The following ERICH6B variants were observed in gnomAD, a reference collection of about 807,000 sequenced individuals.
ERICH6B encodes glutamate rich 6B, also known as glutamate-rich protein 6B.
Under a neutral mutation model 80.0 loss-of-function variants are expected in ERICH6B, and 69 were observed. The observed-to-expected ratio is 0.86, with a 90% confidence interval of 0.71 to 1.05. The LOEUF (loss-of-function observed/expected upper bound fraction) is 1.05, where lower values mean the gene tolerates loss of function less well. ERICH6B is among the 50% of genes least tolerant of loss of function. The pLI is 0.00. For missense variants in ERICH6B, 754 were observed against 796.1 expected (o/e 0.95, Z 0.64); for synonymous variants, 283 against 291.9 (o/e 0.97, Z 0.31).
intron 8 of ERICH6B, among the ~76,000 whole-genome samples, chr13:45,573,092 T>C (rs1875243115): frequency 6.6e-6 from 1 of 152,064 alleles, no homozygotes; most frequent in African/African-American, 2.4e-5. Context: ...TGCTAGAAAT[T>C]TATTCTTTAC....
At chr13:45,595,493 G>A (rs1044637596) in intron 3 of ERICH6B, among the ~76,000 whole-genome samples, 2 of 151,850 alleles carry the variant, frequency 1.3e-5, no homozygotes, top group African/African-American at 4.8e-5. Context: ...AAAGAGGTGT[G>A]TGTGTATGTG....
At chr13:45,571,941 C>A (rs1039197347) in intron 8 of ERICH6B, among the ~76,000 whole-genome samples, 2 of 152,180 alleles carry the variant, frequency 1.3e-5, no homozygotes, top group African/African-American at 4.8e-5. Flanking sequence ...ACCTTGATTT[C>A]AGATTTTGAG....
chr13:45,596,891 C>A lies in ERICH6B; in HGVS notation c.115G>T (p.Asp39Tyr), dbSNP rs1345242393. Residue 39 changes from aspartate (D) to tyrosine (Y), a missense_variant, in exon 3 of 15, where the codon GAT (aspartate) becomes TAT (tyrosine). Coordinates refer to ENST00000298738, the MANE Select transcript of ERICH6B (RefSeq NM_182542.3). ...SEKEDTEVELDEESLQDESPF... is the reference protein window; with the variant it reads ...SEKEDTEVELYEESLQDESPF... The stretch of plus-strand genomic sequence containing the variant: ...GATTCATCCTGTAGACTTTCCTCAT[C>A]TAGTTCTACTTCAGTATCCTCTTTC... 1 of 1,551,842 alleles carries A rather than the reference C, an allele frequency of 6.4e-7. No individual in the cohort carries two copies. Among genetic ancestry groups the A allele is most frequent in the Non-Finnish European group, 8.7e-7 (1 of 1,147,034 alleles).
At chr13:45,586,902 A>G (rs183018634) in intron 5 of ERICH6B, among the ~76,000 whole-genome samples, 161 bp downstream of exon 5, 1 of 152,198 alleles carries the variant, frequency 6.6e-6, no homozygotes, top group Admixed American at 6.5e-5. Context: ...AGGAGTTAAC[A>G]TCTTACCCAA....
intron 5 of ERICH6B, among the ~76,000 whole-genome samples, chr13:45,584,042 C>T (rs2985946): frequency 0.43 from 65,374 of 151,880 alleles, 15,168 homozygotes; most frequent in Admixed American, 0.51. Context: ...GTAGGATATA[C>T]CCTTTTATCA....
intron 3 of ERICH6B, 33 bp downstream of exon 3, chr13:45,596,336 C>T: frequency 6.5e-7 from 1 of 1,528,896 alleles, no homozygotes; most frequent in Non-Finnish European, 8.8e-7. Context: ...TACTTTTCCT[C>T]CCATAGATGC....
rs1373638488 is a variant in ERICH6B, at chr13:45,541,582, T to C, written c.1971A>G (p.Lys657=). The stretch of plus-strand genomic sequence containing the variant: ...TCGCGTAATTCAGGAGCCTATTCAT[T>C]TTCCCCAGAAGGACCCGGATCTTCT... ...TAQKIRVLLG[K]MNRLLNYATT... The change falls in exon 15 of 15, where the codon AAA becomes AAG. Residue 657 remains lysine (K), a synonymous_variant. Transcript: ENST00000298738. 3.2e-6 allele frequency: 5 copies of C among 1,551,920 alleles called. No individual in the cohort carries two copies. Among genetic ancestry groups the C allele is most frequent in the Non-Finnish European group, 3.5e-6 (4 of 1,147,044 alleles).
chr13:45,603,798 A>G (rs1471265933), intron 2 of ERICH6B, among the ~76,000 whole-genome samples: 1 of 152,134 alleles, frequency 6.6e-6, no homozygotes, highest in Non-Finnish European at 1.5e-5. Context: ...CATCTAATGT[A>G]CCAAGTACCT....
intron 11 of ERICH6B, among the ~76,000 whole-genome samples, chr13:45,559,071 C>A (rs2137972801): frequency 6.6e-6 from 1 of 152,206 alleles, no homozygotes; most frequent in Non-Finnish European, 1.5e-5. Flanking sequence ...ATTACCATTT[C>A]AATCTCACTG....
At position 45,563,620 on chromosome 13, in the gene ERICH6B, G is replaced by A. The variant is rs1025105429; in HGVS notation, c.1249+107C>T. ...ATCAGCCCTGTAGGCACTGAAGTGA[G>A]TGAATGAGCCCTTCCACCTTCTTTA... is the stretch of plus-strand genomic sequence containing the variant. On this transcript the variant is annotated intron_variant, in intron 10 of 14. Coordinates refer to ENST00000298738, the MANE Select transcript of ERICH6B (RefSeq NM_182542.3). 4 of 1,042,880 alleles carry A rather than the reference G, an allele frequency of 3.8e-6. No individual in the cohort carries two copies. In the South Asian group the frequency reaches 5.5e-5, roughly 14 times the overall value. 64.6% of individuals were successfully genotyped at this position (1,042,880 alleles called of 1,614,324 possible).
At chr13:45,593,630 C>G (rs980993920) in intron 3 of ERICH6B, among the ~76,000 whole-genome samples, 4 of 152,120 alleles carry the variant, frequency 2.6e-5, no homozygotes, top group African/African-American at 7.2e-5. Flanking sequence ...AGGGAGAGAG[C>G]TGGCATTCAA....
intron 4 of ERICH6B, among the ~76,000 whole-genome samples, chr13:45,589,586 G>C (rs1036634333): frequency 2.0e-5 from 3 of 152,184 alleles, no homozygotes; most frequent in Non-Finnish European, 4.4e-5. Flanking sequence ...AGGAAACTGA[G>C]GTACCAAGAG....
rs1873772895 is a variant in ERICH6B at position 45,541,557 on chromosome 13, T to C, written c.1996A>G (p.Thr666Ala). 6.4e-7 allele frequency: 1 copy of C among 1,552,030 alleles called. No homozygotes were observed. Among genetic ancestry groups the C allele is most frequent in the Non-Finnish European group, 8.7e-7 (1 of 1,147,052 alleles). ...ATGAAGTTTTCCAGATCAGGGGTGG[T>C]CGCGTAATTCAGGAGCCTATTCATT... Reference protein sequence around the residue: ...GKMNRLLNYATTPDLENFIEA... With the variant: ...GKMNRLLNYAATPDLENFIEA... Residue 666 changes from threonine to alanine, a missense_variant, in exon 15 of 15, where the codon ACC becomes GCC. By Grantham distance (58) the Thr-to-Ala change is moderately conservative. Transcript: ENST00000298738.
At chr13:45,545,184 T>C (rs1216842483) in intron 13 of ERICH6B, among the ~76,000 whole-genome samples, 199 bp from the exon 14 acceptor site, 2 of 152,234 alleles carry the variant, frequency 1.3e-5, no homozygotes, top group Non-Finnish European at 2.9e-5. Context: ...TATGGCCCTG[T>C]CCTGCCCTCC....
intron 4 of ERICH6B, 109 bp downstream of exon 4, chr13:45,590,540 T>C (rs1876114519): frequency 1.9e-6 from 2 of 1,051,004 alleles, no homozygotes; most frequent in African/African-American, 3.3e-5. Context: ...AAACTCCTTC[T>C]TCCTCCCCTA....
At position 45,543,189 on chromosome 13, in the gene ERICH6B, C is replaced by T. The variant is rs190373812; in HGVS notation, c.1873-1509G>A. On this transcript the variant is annotated intron_variant, in intron 14 of 14. Coordinates refer to ENST00000298738, the MANE Select transcript of ERICH6B (RefSeq NM_182542.3). ...GGAAGAGAACCTTGCTTAGGCCTCACGGGGGGAGCCAAGGACACCCTCATT... is the reference window on the plus strand; with the variant it reads ...GGAAGAGAACCTTGCTTAGGCCTCATGGGGGGAGCCAAGGACACCCTCATT... 2.6e-4 allele frequency among the ~76,000 whole-genome samples: 40 copies of T among 152,124 alleles called. 1 individual carries two copies. In the East Asian group the frequency reaches 5.4e-3, roughly 21 times the overall value.
intron 2 of ERICH6B, among the ~76,000 whole-genome samples, chr13:45,599,164 T>G (rs895278753): frequency 6.6e-6 from 1 of 152,164 alleles, no homozygotes; most frequent in Non-Finnish European, 1.5e-5. Flanking sequence ...TGGGAAATAA[T>G]TGACTGAAAG....
intron 5 of ERICH6B, 63 bp downstream of exon 5, chr13:45,587,000 C>A: frequency 6.7e-7 from 1 of 1,483,862 alleles, no homozygotes; most frequent in Non-Finnish European, 9.0e-7. Flanking sequence ...ATGCACAAAA[C>A]CATTCCTCCC....
At chr13:45,610,873 A>T (rs1002747700) in intron 1 of ERICH6B, among the ~76,000 whole-genome samples, 4 of 151,170 alleles carry the variant, frequency 2.6e-5, no homozygotes, top group African/African-American at 9.7e-5. Flanking sequence ...ATATATTTAT[A>T]TATAATATAC....
Sources: allele counts gnomAD v4.1 joint callset (sites outside exome capture counted in the v4.1 genomes callset), GRCh38; gene constraint gnomAD v4.1.1; transcripts MANE v1.5; gene names NCBI Gene and HGNC (gene_info 2026-07-23, HGNC 2026-07-21).